The following NEO1 variants were observed in gnomAD, a reference collection of about 807,000 sequenced individuals.
The protein encoded by NEO1 is neogenin.
In NEO1, 63 loss-of-function variants were observed where a neutral mutation model predicts 159.7. That is an observed-to-expected ratio of 0.39 (90% CI 0.32 to 0.49). The LOEUF (loss-of-function observed/expected upper bound fraction) is 0.49. NEO1 is among the 20% of genes least tolerant of loss of function. The pLI is 0.85. For missense variants in NEO1, 1,615 were observed against 1,831.0 expected (o/e 0.88, Z 2.15); for synonymous variants, 633 against 662.0 (o/e 0.96, Z 0.67).
chr15:73,095,917 TG>T (rs1265158506), intron 1 of NEO1, among the ~76,000 whole-genome samples: 1 of 152,196 alleles, frequency 6.6e-6, no homozygotes, highest in Non-Finnish European at 1.5e-5. Flanking sequence ...AACATCATTT[TG>T]AGAAAAGCCC....
At chr15:73,262,076 A>G (rs1357114491) in intron 15 of NEO1, among the ~76,000 whole-genome samples, 3 of 152,182 alleles carry the variant, frequency 2.0e-5, no homozygotes, top group African/African-American at 7.2e-5. Context: ...CATATGAGAA[A>G]GAAAAGGAAC....
chr15:73,086,684 CT>C (rs56321563), intron 1 of NEO1, among the ~76,000 whole-genome samples: 36 of 122,008 alleles, frequency 3.0e-4, no homozygotes, highest in Admixed American at 4.6e-4. Flanking sequence ...TTCTAGATTT[CT>C]TTTTTTTTTT....
intron 23 of NEO1, among the ~76,000 whole-genome samples, chr15:73,287,572 C>T (rs944547111): frequency 6.6e-6 from 1 of 152,108 alleles, no homozygotes; most frequent in Non-Finnish European, 1.5e-5. Context: ...GTTGGTAGTC[C>T]TAGTTTGGCA....
At chr15:73,279,365 T>TTTTTTTTTTTTTTG (rs2041583771) in intron 22 of NEO1, among the ~76,000 whole-genome samples, 1 of 147,536 alleles carries the variant, frequency 6.8e-6, no homozygotes, top group Admixed American at 6.9e-5. Context: ...TTTTTTTTTT[T>TTTTTTTTTTTTTTG]TGAGATGGAA....
rs1408072181 is a variant in NEO1, at chr15:73,249,712, T to G, written c.1885T>G (p.Leu629Val). The change falls in exon 11 of 29, where the codon TTG (leucine) becomes GTG (valine). Residue 629 changes from leucine (L) to valine (V), a missense_variant. Transcript: ENST00000261908. ...VSTPDVAVRTLSDVPSAAPQN... is the reference protein window; with the variant it reads ...VSTPDVAVRTVSDVPSAAPQN... The stretch of plus-strand genomic sequence containing the variant: ...CACACCAGATGTTGCTGTTCGAACA[T>G]TGTCAGATGGTGAGTCTTTCTTCCT... 7.5e-6 allele frequency: 12 copies of G among 1,610,234 alleles called. No homozygotes were observed. The highest frequency in any genetic ancestry group is 5.3e-5 in the African/African-American group (4 of 74,838).
At chr15:73,205,962 C>A (rs1302359684) in intron 7 of NEO1, among the ~76,000 whole-genome samples, 1 of 151,970 alleles carries the variant, frequency 6.6e-6, no homozygotes, top group Non-Finnish European at 1.5e-5. Context: ...AGCTGGAGTG[C>A]AGTGGTGCGA....
At chr15:73,220,274 G>A (rs571737844) in intron 7 of NEO1, among the ~76,000 whole-genome samples, 1 of 152,290 alleles carries the variant, frequency 6.6e-6, no homozygotes, top group East Asian at 1.9e-4. Context: ...TGGCTTGTAT[G>A]TAGAGTTTCT....
rs773069495 is a variant in NEO1 at position 73,288,565 on chromosome 15, T to C, written c.3649+14T>C. ...ATTCATACAGAGGTACCATTTTAAG[T>C]GCAGGTTTTTTCTCAAATGTTAGGA... On this transcript the variant is annotated intron_variant, in intron 24 of 28. Transcript: ENST00000261908. The C allele has an allele frequency of 8.1e-6, 13 of 1,597,786 alleles. No homozygotes were observed. The highest frequency in any genetic ancestry group is 1.1e-5 in the Non-Finnish European group (13 of 1,166,486).
chr15:73,286,240 T>C (rs2041943052), intron 23 of NEO1, among the ~76,000 whole-genome samples: 1 of 152,178 alleles, frequency 6.6e-6, no homozygotes, highest in Non-Finnish European at 1.5e-5. Flanking sequence ...CCAGAATTGC[T>C]TTTGTGGAGG....
chr15:73,119,434 G>C (rs2071505133), intron 2 of NEO1, among the ~76,000 whole-genome samples: 1 of 152,180 alleles, frequency 6.6e-6, no homozygotes, highest in Non-Finnish European at 1.5e-5. Context: ...AAGTATGAGA[G>C]GTCTTTTTCT....
At chr15:73,137,397 G>A (rs186816609) in intron 5 of NEO1, among the ~76,000 whole-genome samples, 14 of 152,184 alleles carry the variant, frequency 9.2e-5, no homozygotes, top group Admixed American at 9.2e-4. Context: ...AAAGAATAAA[G>A]CAATCTGCAT....
chr15:73,270,198 T>C lies in NEO1; in HGVS notation c.2683T>C (p.Trp895Arg). ...AGACTCCCGATACTACACCGTCCGA[T>C]GGAAAACCAACATCCCAGCAAACAC... The part of the protein sequence containing the change: ...ITDSRYYTVR[W>R]KTNIPANTKY... The change falls in exon 17 of 29, where the codon TGG becomes CGG. Residue 895 changes from tryptophan to arginine, a missense_variant. Around this residue, in one of 3 missense-constraint regions of NEO1, gnomAD observed 1,018 missense variants for 1,115.4 expected, o/e 0.91. Coordinates refer to ENST00000261908, the MANE Select transcript of NEO1 (RefSeq NM_002499.4). The C allele has an allele frequency of 1.2e-6, 2 of 1,614,188 alleles. No individual in the cohort carries two copies. Among genetic ancestry groups the C allele is most frequent in the Non-Finnish European group, 1.7e-6 (2 of 1,180,038 alleles).
At position 73,249,274 on chromosome 15, in the gene NEO1, C is replaced by T; in HGVS notation, c.1755+66C>T. 4 of 1,525,124 alleles carry T rather than the reference C, an allele frequency of 2.6e-6. No homozygotes were observed. The South Asian group carries it at 4.8e-5, about 18-fold the overall frequency. 94.5% of individuals were successfully genotyped at this position (1,525,124 alleles called of 1,614,324 possible). On this transcript the variant is annotated intron_variant, in intron 10 of 28. Transcript: ENST00000261908. The stretch of plus-strand genomic sequence containing the variant: ...GTAGAGTTGAAATATATTTCCAAAA[C>T]TCAGTAGTTGCTTGACTGGAAATGT...
At chr15:73,172,357 G>A (rs1596250441) in intron 5 of NEO1, among the ~76,000 whole-genome samples, 1 of 152,268 alleles carries the variant, frequency 6.6e-6, no homozygotes, top group African/African-American at 2.4e-5. Flanking sequence ...CTGCATAATA[G>A]AATTGTTCTA....
intron 1 of NEO1, among the ~76,000 whole-genome samples, chr15:73,083,826 A>G (rs2069202847): frequency 6.6e-6 from 1 of 152,102 alleles, no homozygotes; most frequent in Non-Finnish European, 1.5e-5. Context: ...AATAGTATTA[A>G]CAGTACTTAG....
chr15:73,143,875 T>C lies in NEO1; in HGVS notation c.1015+7848T>C, dbSNP rs530660182. On this transcript the variant is annotated intron_variant, in intron 5 of 28. Transcript: ENST00000261908. ...AATTGGTTTCTTAAAATAGTTCTCT[T>C]TTTACCAGTAGTATTTCTTACTGAT... Among the ~76,000 whole-genome samples the C allele has an allele frequency of 5.9e-5, 9 of 152,312 alleles. No individual in the cohort carries two copies. In the South Asian group the frequency reaches 1.9e-3, roughly 32 times the overall value.
chr15:73,289,360 G>GGT, intron 25 of NEO1, 122 bp downstream of exon 25: 2 of 843,006 alleles, frequency 2.4e-6, no homozygotes, highest in Non-Finnish European at 3.9e-6. Context: ...CCAAAGCTTT[G>GGT]ACACCTTGAA....
At chr15:73,295,145 T>TATAA (rs1306550657) in intron 26 of NEO1, among the ~76,000 whole-genome samples, 5 of 134,868 alleles carry the variant, frequency 3.7e-5, no homozygotes, top group African/African-American at 5.5e-5. Context: ...TATATATATG[T>TATAA]AAAAATTTGG....
At chr15:73,183,977 A>G (rs2035769398) in intron 7 of NEO1, among the ~76,000 whole-genome samples, 1 of 152,184 alleles carries the variant, frequency 6.6e-6, no homozygotes, top group Non-Finnish European at 1.5e-5. Context: ...ACTGTTGTTC[A>G]GCATACCGTG....
Sources: gnomAD v4.1 joint callset for allele counts (sites outside exome capture counted in the v4.1 genomes callset) on GRCh38, gnomAD v4.1.1 for gene constraint, gnomAD v4.1.1 regional missense constraint, MANE v1.5 for transcripts, NCBI Gene and HGNC (gene_info 2026-07-23, HGNC 2026-07-21) for gene names.